Variants in NRXN3 observed in about 807,000 individuals in gnomAD.
The protein encoded by NRXN3 is neurexin 3.
Under a neutral mutation model 137.6 loss-of-function variants are expected in NRXN3, and 32 were observed. The observed-to-expected ratio is 0.23, with a 90% confidence interval of 0.18 to 0.31. The LOEUF (loss-of-function observed/expected upper bound fraction) is 0.31, where lower values mean the gene tolerates loss of function less well. Among genes scored for constraint, NRXN3 ranks in the 10% least tolerant of loss-of-function variants. The pLI, the probability that NRXN3 is intolerant of heterozygous loss-of-function variation, is 1.00. For synonymous variants in NRXN3, 798 were observed against 784.5 expected (o/e 1.02, Z -0.29); for missense variants, 1,574 against 2,062.5 (o/e 0.76, Z 4.59).
chr14:78,913,072 GC>G (rs1353551931), intron 10 of NRXN3, among the ~76,000 whole-genome samples: 1 of 151,848 alleles, frequency 6.6e-6, no homozygotes, highest in Non-Finnish European at 1.5e-5. Flanking sequence ...AAGAGGCAAG[GC>G]AAACACTAAA....
intron 6 of NRXN3, among the ~76,000 whole-genome samples, chr14:78,695,037 C>A (rs767656702): frequency 3.9e-4 from 59 of 152,012 alleles, no homozygotes; most frequent in Non-Finnish European, 8.2e-4. Context: ...GTTAACAGGG[C>A]TGCATGTCCT....
intron 4 of NRXN3, among the ~76,000 whole-genome samples, chr14:78,312,949 A>G (rs1437846624): frequency 6.6e-6 from 1 of 152,210 alleles, no homozygotes; most frequent in Non-Finnish European, 1.5e-5. Context: ...AAGAAAGGCA[A>G]TGATATTAAA....
chr14:79,184,045 C>T (rs1424625340), intron 15 of NRXN3, among the ~76,000 whole-genome samples: 1 of 152,146 alleles, frequency 6.6e-6, no homozygotes, highest in African/African-American at 2.4e-5. Context: ...CATCAGATTG[C>T]CTAGAGCTCT....
chr14:79,271,392 T>C (rs908678192), intron 15 of NRXN3, among the ~76,000 whole-genome samples: 5 of 133,330 alleles, frequency 3.8e-5, no homozygotes, highest in African/African-American at 1.4e-4. Flanking sequence ...CCTTCCTCCT[T>C]CTTCCTTCCC....
At chr14:78,836,586 T>A (rs215505) in intron 10 of NRXN3, among the ~76,000 whole-genome samples, 132,137 of 152,092 alleles carry the variant, frequency 0.87, 58,317 homozygotes, top group Non-Finnish European at 0.94. Flanking sequence ...AAATGTATAT[T>A]TTTTTAATAA....
At chr14:79,437,665 TCCTGAAGCAGG>T (rs1215430696) in intron 15 of NRXN3, among the ~76,000 whole-genome samples, 5 of 152,126 alleles carry the variant, frequency 3.3e-5, no homozygotes, top group African/African-American at 4.8e-5. Context: ...TCACAGATAA[TCCTGAAGCAGG>T]CAATCTCTGC....
intron 16 of NRXN3, among the ~76,000 whole-genome samples, chr14:79,610,381 A>G (rs172712): frequency 0.49 from 75,192 of 151,988 alleles, 21,069 homozygotes; most frequent in African/African-American, 0.77. Flanking sequence ...TTTAAATTTC[A>G]TGGTAGTATT....
In NRXN3 at chr14:79,141,539, G is replaced by A. The variant is rs187325229; in HGVS notation, c.3262+153398G>A. On this transcript the variant is annotated intron_variant, in intron 15 of 20. Coordinates refer to ENST00000335750, the MANE Select transcript of NRXN3 (RefSeq NM_001330195.2). ...TAAAAGAACACTGAGACTAATGGAG[G>A]TGAAGAGGTTACCTGACTTCTCTTT... Among the ~76,000 whole-genome samples, 945 of 152,306 alleles carry A rather than the reference G, an allele frequency of 6.2e-3. 3 individuals are homozygous for A. Among genetic ancestry groups the A allele is most frequent in the Middle Eastern group, 0.014 (4 of 294 alleles).
In NRXN3 at chr14:78,243,506, G is replaced by T. The variant is rs781273991; in HGVS notation, c.413G>T (p.Arg138Leu). 6.3e-7 allele frequency: 1 copy of T among 1,594,048 alleles called. No individual in the cohort carries two copies. Among genetic ancestry groups the T allele is most frequent in the South Asian group, 1.1e-5 (1 of 90,248 alleles). ...EGQSGELQPQ[R>L]PYMDVVSDLF... ...CAGTCTGGGGAGCTGCAGCCCCAGC[G>T]GCCCTACATGGATGTGGTCAGTGAC... The change falls in exon 2 of 21, where the codon CGG becomes CTG. Residue 138 changes from arginine to leucine, a missense_variant. Physicochemically the swap from Arg to Leu is moderately radical, Grantham distance 102. This residue lies in a region of NRXN3 where 400 missense variants were observed against 527.3 expected (regional missense o/e 0.76). Transcript: ENST00000335750. The surrounding 1 kb of genome is among the most constrained non-coding windows in gnomAD (Gnocchi z 4.2).
intron 4 of NRXN3, among the ~76,000 whole-genome samples, chr14:78,556,414 C>G (rs771295257): frequency 6.6e-6 from 1 of 152,178 alleles, no homozygotes; most frequent in Non-Finnish European, 1.5e-5. Flanking sequence ...TTTACTGACT[C>G]TAAAGGAAAC....
rs867664182 is a variant in NRXN3 at position 78,807,740 on chromosome 14, A to G, written c.2249-2578A>G. ...ATAAAGTGAGATTCTGTCTCAAAAA[A>G]AAAAAAAAAAAAAAAGAAAGAAAAG... On this transcript the variant is annotated intron_variant, in intron 9 of 20. Coordinates refer to ENST00000335750, the MANE Select transcript of NRXN3 (RefSeq NM_001330195.2). 9.0e-3 allele frequency among the ~76,000 whole-genome samples: 1,117 copies of G among 124,214 alleles called. 5 individuals are homozygous for G. Among genetic ancestry groups the G allele is most frequent in the African/African-American group, 0.029 (991 of 33,880 alleles). The allele number at this position is 124,214 out of a possible 152,430, so 81.5% of individuals were successfully genotyped here. A position where few individuals can be genotyped will look rare whatever the true frequency, so the allele number is the denominator to read the frequency against.
At chr14:78,365,882 C>A (rs1400149354) in intron 4 of NRXN3, among the ~76,000 whole-genome samples, 1 of 152,044 alleles carries the variant, frequency 6.6e-6, no homozygotes, top group Non-Finnish European at 1.5e-5. Flanking sequence ...AGAGGGTACC[C>A]CGAATGAAAG....
chr14:78,902,200 A>T (rs1392054886), intron 10 of NRXN3, among the ~76,000 whole-genome samples: 1 of 152,076 alleles, frequency 6.6e-6, no homozygotes, highest in African/African-American at 2.4e-5. Context: ...CTTGTGCAGA[A>T]TCTCACATCC....
At chr14:78,784,446 C>A (rs1270505273) in intron 8 of NRXN3, among the ~76,000 whole-genome samples, 2 of 152,192 alleles carry the variant, frequency 1.3e-5, no homozygotes, top group Admixed American at 6.5e-5. Flanking sequence ...CAAACTGGCA[C>A]ACTTTTGAGT....
intron 15 of NRXN3, among the ~76,000 whole-genome samples, chr14:79,332,400 G>A (rs930475179): frequency 2.0e-5 from 3 of 152,130 alleles, no homozygotes; most frequent in Non-Finnish European, 4.4e-5. Context: ...AGTATGCACC[G>A]GTAGTTCCAG....
Position 78,182,519 on chromosome 14 carries a change from GAATGC to G in NRXN3, c.-704+11850_-704+11854del, listed in dbSNP as rs573876016. Among the ~76,000 whole-genome samples the G allele has an allele frequency of 5.3e-5, 8 of 152,340 alleles. No individual in the cohort carries two copies. The South Asian group carries it at 1.7e-3, about 32-fold the overall frequency. On this transcript the variant is annotated intron_variant, in intron 1 of 20. Transcript: ENST00000335750. Reference sequence around the variant, plus strand: ...AGTTTCGCTCCTGTTGCCCAGGCTGGAATGCAATGGCGCGATCTTGGCTCACCGCA... The same window carrying G: ...AGTTTCGCTCCTGTTGCCCAGGCTGGAATGGCGCGATCTTGGCTCACCGCA...
chr14:79,318,759 C>T (rs1021832672), intron 15 of NRXN3, among the ~76,000 whole-genome samples: 1 of 152,078 alleles, frequency 6.6e-6, no homozygotes, highest in Non-Finnish European at 1.5e-5. Flanking sequence ...TGGGCATTAT[C>T]GGATTTCTAT....
At chr14:79,332,552 T>G (rs1461210996) in intron 15 of NRXN3, among the ~76,000 whole-genome samples, 1 of 152,244 alleles carries the variant, frequency 6.6e-6, no homozygotes, top group African/African-American at 2.4e-5. Context: ...GATTGATCTA[T>G]CATTTTATTG....
At chr14:79,335,476 C>T (rs542120559) in intron 15 of NRXN3, among the ~76,000 whole-genome samples, 2 of 152,096 alleles carry the variant, frequency 1.3e-5, no homozygotes, top group East Asian at 1.9e-4. Context: ...TGCGTGTTCA[C>T]ACCCCTCTAT....
Sources: allele counts gnomAD v4.1 joint callset (sites outside exome capture counted in the v4.1 genomes callset), GRCh38; gene constraint gnomAD v4.1.1; regional missense constraint gnomAD v4.1.1; non-coding constraint Gnocchi (gnomAD v3.1); transcripts MANE v1.5; gene names NCBI Gene and HGNC (gene_info 2026-07-23, HGNC 2026-07-21).